Variants in PATJ observed in about 807,000 individuals in gnomAD.
PATJ encodes the protein PATJ crumbs cell polarity complex component, also known as inaD-like protein.
PATJ carries 190 observed loss-of-function variants against 224.9 expected under a neutral mutation model. The observed-to-expected ratio is 0.84, with a 90% CI of 0.75 to 0.95. The LOEUF is 0.95. Ranked by LOEUF, PATJ falls within the 40% of genes least tolerant of loss-of-function variation. The probability of loss-of-function intolerance (pLI) is 0.00; values close to 1 mark genes in which losing one functional copy is unlikely to be tolerated. For synonymous variants in PATJ, 769 were observed against 820.3 expected (o/e 0.94, Z 1.07); for missense variants, 2,121 against 2,270.3 (o/e 0.93, Z 1.34).
chr1:62,130,798 A>C (rs927852075), intron 41 of PATJ, among the ~76,000 whole-genome samples: 4 of 152,038 alleles, frequency 2.6e-5, no homozygotes, highest in South Asian at 4.1e-4. Flanking sequence ...TTGCAGTGAG[A>C]CGAGATGGCA....
intron 27 of PATJ, among the ~76,000 whole-genome samples, chr1:61,944,704 C>T (rs1349671888): frequency 6.6e-6 from 1 of 152,104 alleles, no homozygotes; most frequent in Non-Finnish European, 1.5e-5. Context: ...GGCCAACATT[C>T]AAATTCAGGA....
At chr1:61,825,796 T>C (rs1298536437) in intron 15 of PATJ, among the ~76,000 whole-genome samples, 2 of 152,210 alleles carry the variant, frequency 1.3e-5, no homozygotes, top group African/African-American at 2.4e-5. Flanking sequence ...GAAAAGTGAC[T>C]TTCTAATTTG....
intron 24 of PATJ, among the ~76,000 whole-genome samples, chr1:61,907,987 A>G (rs1401918119): frequency 1.3e-5 from 2 of 152,202 alleles, no homozygotes; most frequent in Non-Finnish European, 2.9e-5. Context: ...CTCTGAGCTT[A>G]ATGGAGAGAT....
chr1:61,991,327 T>C (rs1171088374), intron 28 of PATJ, among the ~76,000 whole-genome samples: 1 of 152,210 alleles, frequency 6.6e-6, no homozygotes, highest in Non-Finnish European at 1.5e-5. Flanking sequence ...GTTTGACTTG[T>C]AGCTCTTTGT....
chr1:62,000,192 A>AT lies in PATJ; in HGVS notation c.3867+9828_3867+9829insT, dbSNP rs1645663443. 3.2e-5 allele frequency among the ~76,000 whole-genome samples: 4 copies of AT among 124,534 alleles called. No homozygotes were observed. The East Asian group carries it at 1.1e-3, about 36-fold the overall frequency. The allele number at this position is 124,534 out of a possible 152,430, so 81.7% of individuals were successfully genotyped here. A position where few individuals can be genotyped will look rare whatever the true frequency, so the allele number is the denominator to read the frequency against. On this transcript the variant is annotated intron_variant, in intron 28 of 43. Transcript: ENST00000642238. ...GTGACAGCCACCGTGCCCAGCCTAG[A>AT]GTTTTTTGTTTTTTTTTTTTTATAC...
intron 27 of PATJ, among the ~76,000 whole-genome samples, chr1:61,941,137 C>T (rs148639604): frequency 2.6e-5 from 4 of 152,158 alleles, no homozygotes; most frequent in East Asian, 3.9e-4. Flanking sequence ...TTTCTCCCTA[C>T]GTAGGAAGAA....
intron 27 of PATJ, among the ~76,000 whole-genome samples, chr1:61,976,157 C>T (rs1471581972): frequency 6.6e-6 from 1 of 151,940 alleles, no homozygotes; most frequent in African/African-American, 2.4e-5. Flanking sequence ...TCCAAAAGGG[C>T]TGAGGAAGGT....
At chr1:62,096,934 A>G (rs12409426) in intron 33 of PATJ, among the ~76,000 whole-genome samples, 2,042 of 152,246 alleles carry the variant, frequency 0.013, 96 homozygotes, top group Admixed American at 0.098. Context: ...GATGTTTTAT[A>G]TACTAGATAT....
chr1:61,925,713 A>G lies in PATJ; in HGVS notation c.3571-2017A>G, dbSNP rs189605178. ...TATAATTTAAGAAAAAAATAAAAAC[A>G]TGACTGAAAATTATGCAAAATGTGC... On this transcript the variant is annotated intron_variant, in intron 26 of 43. Transcript: ENST00000642238. Among the ~76,000 whole-genome samples the G allele has an allele frequency of 9.1e-4, 138 of 152,342 alleles. 2 individuals are homozygous for G. Among genetic ancestry groups the G allele is most frequent in the African/African-American group, 3.0e-3 (126 of 41,580 alleles).
chr1:62,008,004 C>G (rs1646195814), intron 28 of PATJ, among the ~76,000 whole-genome samples: 1 of 152,186 alleles, frequency 6.6e-6, no homozygotes, highest in Non-Finnish European at 1.5e-5. Context: ...CTCCTGGAAT[C>G]TGAAGATCGG....
At chr1:61,833,368 A>C (rs749689266) in intron 16 of PATJ, 70 of 200,650 alleles carry the variant, frequency 3.5e-4, no homozygotes, top group Non-Finnish European at 5.9e-4. Context: ...AACTCATTGA[A>C]GTATAAGAGG....
At chr1:61,765,066 ATTTTTTTTT>A (rs71582647) in intron 3 of PATJ, among the ~76,000 whole-genome samples, 21 of 24,016 alleles carry the variant, frequency 8.7e-4, no homozygotes, top group African/African-American at 1.6e-3. Flanking sequence ...ATTGACATTC[ATTTTTTTTT>A]TTTTTTTTTT....
intron 28 of PATJ, among the ~76,000 whole-genome samples, chr1:61,992,827 A>G (rs191957800): frequency 1.6e-4 from 24 of 152,310 alleles, no homozygotes; most frequent in Admixed American, 1.4e-3. Context: ...ACCTACCGTA[A>G]CTTGTCTCGA....
rs184464868 is a variant in PATJ at position 62,085,667 on chromosome 1, A to T, written c.4377+1019A>T. 4.7e-3 allele frequency among the ~76,000 whole-genome samples: 715 copies of T among 151,902 alleles called. 6 individuals are homozygous for T. The highest frequency in any genetic ancestry group is 6.5e-3 in the Non-Finnish European group (441 of 67,930). ...CATCTCTACAAAGAAAATTTTTTTT[A>T]AATTAGCAAGGCATGGTGGCACACA... On this transcript the variant is annotated intron_variant, in intron 33 of 43. Transcript: ENST00000642238.
chr1:61,985,153 A>G (rs11207890), intron 27 of PATJ, among the ~76,000 whole-genome samples: 38,475 of 151,952 alleles, frequency 0.25, 5,238 homozygotes, highest in East Asian at 0.45. Flanking sequence ...CTCTACTAAA[A>G]CTACAAAAGT....
intron 41 of PATJ, among the ~76,000 whole-genome samples, chr1:62,131,643 C>T (rs975833386): frequency 4.0e-5 from 6 of 150,912 alleles, no homozygotes; most frequent in South Asian, 2.1e-4. Context: ...AGTCAGACTC[C>T]GTCTCAAAAA....
intron 30 of PATJ, among the ~76,000 whole-genome samples, chr1:62,040,901 G>A (rs913973288): frequency 3.3e-5 from 5 of 152,176 alleles, no homozygotes; most frequent in Non-Finnish European, 5.9e-5. Context: ...TGAAACAAAA[G>A]ATAGATTAAC....
At chr1:61,946,016 A>G (rs1374507575) in intron 27 of PATJ, among the ~76,000 whole-genome samples, 5 of 152,210 alleles carry the variant, frequency 3.3e-5, no homozygotes, top group Non-Finnish European at 7.3e-5. Flanking sequence ...CTTTGAAACC[A>G]ATGAGAACAA....
At chr1:61,775,179 C>T (rs1435184077) in intron 6 of PATJ, 27 bp from the exon 7 acceptor site, 11 of 1,596,328 alleles carry the variant, frequency 6.9e-6, no homozygotes, top group South Asian at 1.1e-5. Context: ...ACTGATACTG[C>T]GACTCTTATT....
Sources: allele counts gnomAD v4.1 joint callset (sites outside exome capture counted in the v4.1 genomes callset), GRCh38; gene constraint gnomAD v4.1.1; transcripts MANE v1.5; gene names NCBI Gene and HGNC (gene_info 2026-07-23, HGNC 2026-07-21).